Variants in SLC41A2 observed in about 807,000 individuals in gnomAD.
SLC41A2 encodes the protein solute carrier family 41 member 2.
A neutral mutation model predicts 58.3 loss-of-function variants in SLC41A2; 32 were observed. The ratio of observed to expected loss-of-function variants is 0.55; its 90% CI spans 0.41 to 0.74. The LOEUF (loss-of-function observed/expected upper bound fraction) is 0.74. Ranked by LOEUF, SLC41A2 falls within the 30% of genes least tolerant of loss-of-function variation. The pLI is 0.00. For missense variants in SLC41A2, 514 were observed against 680.6 expected (o/e 0.76, Z 2.72); for synonymous variants, 190 against 235.0 (o/e 0.81, Z 1.75).
rs2044820053 is a variant in SLC41A2, at chr12:104,889,191, C to A, written c.736-14G>T. 1.6e-5 allele frequency: 26 copies of A among 1,597,552 alleles called. No homozygotes were observed. The highest frequency in any genetic ancestry group is 2.2e-5 in the Non-Finnish European group (26 of 1,175,714). ...TGTTGCCTGAACCTAAAATTTTTTT[C>A]ATAAATCCAACTGAATTATTCACTT... On this transcript the variant is annotated splice_polypyrimidine_tract_variant and intron_variant, in intron 4 of 10. Transcript: ENST00000258538.
chr12:104,935,171 C>G (rs1324202497), intron 1 of SLC41A2, among the ~76,000 whole-genome samples: 4 of 151,020 alleles, frequency 2.6e-5, no homozygotes, highest in African/African-American at 9.8e-5. Context: ...GTTAGCCAGG[C>G]TGGTCTCAAA....
At position 104,861,351 on chromosome 12, in the gene SLC41A2, C is replaced by A; in HGVS notation, c.1195G>T (p.Asp399Tyr). The change falls in exon 8 of 11, where the codon GAC becomes TAC. Residue 399 changes from aspartate (D) to tyrosine (Y), a missense_variant. Transcript: ENST00000258538. ...AAGTTTGGGTCTGATACAGTTGTGT[C>A]CAGAATAAGGCCCCCAATGCTGAAA... ...VISSIGGLILDTTVSDPNLVG... is the reference protein window; with the variant it reads ...VISSIGGLILYTTVSDPNLVG... 6.2e-7 allele frequency: 1 copy of A among 1,612,634 alleles called. No homozygotes were observed.
chr12:104,899,035 T>C (rs2135722095), intron 3 of SLC41A2, among the ~76,000 whole-genome samples: 1 of 152,336 alleles, frequency 6.6e-6, no homozygotes, highest in Middle Eastern at 3.4e-3. Flanking sequence ...TAAAGGCCTT[T>C]GCTAGGCCTA....
At chr12:104,848,684 G>A (rs2042694356) in intron 8 of SLC41A2, among the ~76,000 whole-genome samples, 1 of 151,964 alleles carries the variant, frequency 6.6e-6, no homozygotes, top group South Asian at 2.1e-4. Flanking sequence ...AACATTTAAT[G>A]TATATCATAA....
At position 104,802,931 on chromosome 12, in the gene SLC41A2, A is replaced by G. The variant is rs1169199941; in HGVS notation, c.*2221T>C. ...AAAACCTGGATGTTAGGGACTTCAC[A>G]ATTTGGTCATTTTGCAGCTGTACAA... On this transcript the variant is annotated 3_prime_UTR_variant, in exon 11 of 11. Coordinates refer to ENST00000258538, the MANE Select transcript of SLC41A2 (RefSeq NM_001352171.3). The G allele has an allele frequency of 6.6e-6, 1 of 152,122 alleles. No homozygotes were observed. Among genetic ancestry groups the G allele is most frequent in the African/African-American group, 2.4e-5 (1 of 41,440 alleles). The allele number at this position is 152,122 out of a possible 1,614,324, so 9.4% of individuals were successfully genotyped here. A position where few individuals can be genotyped will look rare whatever the true frequency, so the allele number is the denominator to read the frequency against.
At chr12:104,933,181 A>T (rs2047135360) in intron 1 of SLC41A2, among the ~76,000 whole-genome samples, 1 of 152,198 alleles carries the variant, frequency 6.6e-6, no homozygotes, top group Non-Finnish European at 1.5e-5. Context: ...CAAATCAGCA[A>T]GAAAAAAACA....
chr12:104,807,769 G>C, intron 10 of SLC41A2, among the ~76,000 whole-genome samples: 1 of 152,182 alleles, frequency 6.6e-6, no homozygotes, highest in East Asian at 1.9e-4. Flanking sequence ...TCTCCTTGAA[G>C]AGGTCCTTCA....
intron 10 of SLC41A2, among the ~76,000 whole-genome samples, chr12:104,842,903 T>C (rs1336336004): frequency 6.6e-6 from 1 of 152,074 alleles, no homozygotes; most frequent in Admixed American, 6.5e-5. Context: ...CAAATAGGAA[T>C]ATGCTCCAGC....
At chr12:104,881,316 T>C (rs1432849805) in intron 6 of SLC41A2, among the ~76,000 whole-genome samples, 1 of 152,224 alleles carries the variant, frequency 6.6e-6, no homozygotes, top group Non-Finnish European at 1.5e-5. Flanking sequence ...CTCTATCTCC[T>C]TCAGTTCTGC....
At chr12:104,875,714 G>A (rs576493641) in intron 6 of SLC41A2, among the ~76,000 whole-genome samples, 1 of 152,142 alleles carries the variant, frequency 6.6e-6, no homozygotes, top group South Asian at 2.1e-4. Context: ...GACTGCTTGA[G>A]CCAAGGAGTT....
intron 1 of SLC41A2, among the ~76,000 whole-genome samples, chr12:104,955,015 GCTTT>G (rs1477618870): frequency 9.7e-6 from 1 of 103,352 alleles, no homozygotes; most frequent in Admixed American, 9.2e-5. Flanking sequence ...CTTGGCCCTT[GCTTT>G]TTTTTTTTTT....
chr12:104,900,666 A>G (rs191121365), intron 3 of SLC41A2, among the ~76,000 whole-genome samples: 13 of 152,354 alleles, frequency 8.5e-5, no homozygotes, highest in Admixed American at 5.2e-4. Context: ...AAGACACTTT[A>G]AAGTGAGGAA....
chr12:104,849,777 G>A (rs185849898), intron 8 of SLC41A2, among the ~76,000 whole-genome samples: 66 of 152,278 alleles, frequency 4.3e-4, no homozygotes, highest in African/African-American at 1.4e-3. Context: ...GCAGTGAGCC[G>A]TGGTCATGCC....
At chr12:104,861,637 A>T (rs975059168) in intron 7 of SLC41A2, among the ~76,000 whole-genome samples, 2 of 152,234 alleles carry the variant, frequency 1.3e-5, no homozygotes, top group Non-Finnish European at 2.9e-5. Context: ...CTTTAAATGC[A>T]TTAAAATGTC....
At chr12:104,817,587 C>T (rs78244754) in intron 10 of SLC41A2, among the ~76,000 whole-genome samples, 3,603 of 151,006 alleles carry the variant, frequency 0.024, 87 homozygotes, top group East Asian at 0.095. Flanking sequence ...TTTTTCTTTG[C>T]CTCTCCTCTT....
chr12:104,847,476 G>A (rs748901450), intron 8 of SLC41A2, among the ~76,000 whole-genome samples: 15 of 151,472 alleles, frequency 9.9e-5, no homozygotes, highest in African/African-American at 2.4e-4. Flanking sequence ...GTGGTGGCGC[G>A]TGCCTGTAAT....
intron 10 of SLC41A2, among the ~76,000 whole-genome samples, chr12:104,833,779 G>A (rs2042117383): frequency 7.1e-6 from 1 of 141,254 alleles, no homozygotes; most frequent in Non-Finnish European, 1.5e-5. Context: ...TCAGGTCAGT[G>A]TTTTGTTGTT....
chr12:104,835,735 T>A (rs973567428), intron 10 of SLC41A2, among the ~76,000 whole-genome samples: 2 of 152,150 alleles, frequency 1.3e-5, no homozygotes, highest in African/African-American at 4.8e-5. Context: ...TGGGGCAATA[T>A]GCCTGGCTGG....
At chr12:104,957,877 C>T (rs925803068) in intron 1 of SLC41A2, among the ~76,000 whole-genome samples, 2 of 151,984 alleles carry the variant, frequency 1.3e-5, no homozygotes, top group African/African-American at 2.4e-5. Context: ...CGAGGTGGGG[C>T]AGGCGCGGGG....
Sources: allele counts gnomAD v4.1 joint callset (sites outside exome capture counted in the v4.1 genomes callset), GRCh38; gene constraint gnomAD v4.1.1; transcripts MANE v1.5; gene names NCBI Gene and HGNC (gene_info 2026-07-23, HGNC 2026-07-21).